The following RNF17 variants were observed in gnomAD, a reference collection of about 807,000 sequenced individuals.
RNF17 encodes the protein ring finger protein 17.
In RNF17, 31 loss-of-function variants were observed where a neutral mutation model predicts 200.5. That is an observed-to-expected ratio of 0.15 (90% CI 0.12 to 0.21). The LOEUF (loss-of-function observed/expected upper bound fraction) is 0.21, where lower values mean the gene tolerates loss of function less well. Ranked by LOEUF, RNF17 falls within the 10% of genes least tolerant of loss-of-function variation. The pLI is 1.00. For missense variants in RNF17, 1,628 were observed against 1,905.1 expected (o/e 0.85, Z 2.71); for synonymous variants, 606 against 637.8 (o/e 0.95, Z 0.75).
rs149381084 is a variant in RNF17 at position 24,837,433 on chromosome 13, G to A, written c.2483-4608G>A. On this transcript the variant is annotated intron_variant, in intron 18 of 35. Coordinates refer to ENST00000255324, the MANE Select transcript of RNF17 (RefSeq NM_031277.3). Reference sequence around the variant, plus strand: ...TAGAATACCCATTCTATTCAACAGCGTATGGAAATTTCTAAGACCATATGA... The same window carrying A: ...TAGAATACCCATTCTATTCAACAGCATATGGAAATTTCTAAGACCATATGA... 8.9e-4 allele frequency among the ~76,000 whole-genome samples: 136 copies of A among 152,024 alleles called. 1 individual carries two copies. In the East Asian group the frequency reaches 0.021, roughly 23 times the overall value.
In RNF17 at chr13:24,852,340, G is replaced by A. The variant is rs564491696; in HGVS notation, c.3320+769G>A. On this transcript the variant is annotated intron_variant, in intron 24 of 35. Coordinates refer to ENST00000255324, the MANE Select transcript of RNF17 (RefSeq NM_031277.3). ...TTTTTAGTAGAGACGGGGTTTCACC[G>A]TGTTAGCCAGGATGGCCTCGATCTC... is the stretch of plus-strand genomic sequence containing the variant. Among the ~76,000 whole-genome samples the A allele has an allele frequency of 4.6e-4, 70 of 152,054 alleles. No homozygotes were observed. The South Asian group carries it at 5.6e-3, about 12-fold the overall frequency.
intron 15 of RNF17, among the ~76,000 whole-genome samples, chr13:24,812,118 A>T (rs1285267216): frequency 6.8e-6 from 1 of 146,756 alleles, no homozygotes; most frequent in Non-Finnish European, 1.5e-5. Flanking sequence ...CTGCCCCCAG[A>T]GGTGGAGCCT....
At chr13:24,854,381 A>C (rs1892248318) in intron 25 of RNF17, among the ~76,000 whole-genome samples, 1 of 152,206 alleles carries the variant, frequency 6.6e-6, no homozygotes, top group African/African-American at 2.4e-5. Context: ...TGCTATTCTC[A>C]GTATAAGAAG....
intron 15 of RNF17, among the ~76,000 whole-genome samples, chr13:24,817,623 G>T (rs1887558609): frequency 6.6e-6 from 1 of 151,920 alleles, no homozygotes. Context: ...GGAGGCTGAG[G>T]CAGGAGAATT....
At chr13:24,748,058 G>T in the RNF17 span, among the ~76,000 whole-genome samples, 57 of 152,332 alleles carry the variant, frequency 3.7e-4, no homozygotes, top group East Asian at 7.7e-3. Flanking sequence ...TCTGTCTCTC[G>T]CATCCGCACT....
chr13:24,859,323 G>T (rs560996611), intron 26 of RNF17, among the ~76,000 whole-genome samples, 159 bp downstream of exon 26: 1 of 151,998 alleles, frequency 6.6e-6, no homozygotes, highest in African/African-American at 2.4e-5. Context: ...ATAATTTTTC[G>T]TTTTATTTGC....
chr13:24,793,568 T>C (rs1884158242), intron 10 of RNF17, among the ~76,000 whole-genome samples: 1 of 152,234 alleles, frequency 6.6e-6, no homozygotes, highest in Admixed American at 6.5e-5. Flanking sequence ...CTCTGAGGTA[T>C]AAATTAATAT....
rs370589355 is a variant in RNF17 at position 24,862,691 on chromosome 13, T to A, written c.3895-22T>A. 4.0e-6 allele frequency: 6 copies of A among 1,484,390 alleles called. No individual in the cohort carries two copies. The African/African-American group carries it at 8.3e-5, about 21-fold the overall frequency. The allele number at this position is 1,484,390 out of a possible 1,614,324, so 92.0% of individuals were successfully genotyped here. ...GATTTTATGAAAGCATAAAAGAATC[T>A]GAGTTTATTAATCTCAAATAGGTTG... is the stretch of plus-strand genomic sequence containing the variant. On this transcript the variant is annotated intron_variant, in intron 27 of 35. Transcript: ENST00000255324.
rs886615416 is a variant in RNF17, at chr13:24,866,086, A to G, written c.4102-58A>G. On this transcript the variant is annotated intron_variant, in intron 29 of 35. Coordinates refer to ENST00000255324, the MANE Select transcript of RNF17 (RefSeq NM_031277.3). ...CAGTTTTTGTGGGGATGAAATATGG[A>G]AAGTACCTTAAAACAATATAGCTAA... is the stretch of plus-strand genomic sequence containing the variant. The G allele has an allele frequency of 1.1e-5, 10 of 929,118 alleles. No homozygotes were observed. The South Asian group carries it at 1.5e-4, about 14-fold the overall frequency. The allele number at this position is 929,118 out of a possible 1,614,324, so 57.6% of individuals were successfully genotyped here. A position where few individuals can be genotyped will look rare whatever the true frequency, so the allele number is the denominator to read the frequency against.
At chr13:24,883,321 A>G (rs1210364138), downstream of RNF17, 7 of 1,613,786 alleles carry the variant, frequency 4.3e-6, no homozygotes, top group Non-Finnish European at 5.1e-6. Flanking sequence ...ACTGGGCAGT[A>G]TGTAGTTCTC....
chr13:24,785,426 G>T (rs533351690), intron 6 of RNF17, among the ~76,000 whole-genome samples: 3 of 152,268 alleles, frequency 2.0e-5, no homozygotes, highest in African/African-American at 7.2e-5. Flanking sequence ...AGTCAGAAAA[G>T]ATACCTTGTA....
At chr13:24,750,847 G>A in the RNF17 span, 1 of 151,852 alleles carries the variant, frequency 6.6e-6, no homozygotes, top group African/African-American at 2.4e-5. Context: ...TTTCTTATGA[G>A]CACCATCTAG....
In RNF17 at chr13:24,830,556, A is replaced by G. The variant is rs1277221180; in HGVS notation, c.2318A>G (p.Asp773Gly). 1 of 1,611,922 alleles carries G rather than the reference A, an allele frequency of 6.2e-7. No homozygotes were observed. The highest frequency in any genetic ancestry group is 8.5e-7 in the Non-Finnish European group (1 of 1,179,130). The change falls in exon 17 of 36, where the codon GAC becomes GGC. Residue 773 changes from aspartate (D) to glycine (G), a missense_variant. Transcript: ENST00000255324. ...FGNTAKITIK[D>G]VRKIKDEFLN... is the part of the protein sequence containing the mutation. ...AATACTGCAAAAATAACAATCAAAGACGTGCGTAAAATAAAGGATGAGTTT... is the reference window on the plus strand; with the variant it reads ...AATACTGCAAAAATAACAATCAAAGGCGTGCGTAAAATAAAGGATGAGTTT...
downstream of RNF17, among the ~76,000 whole-genome samples, chr13:24,881,896 CTATA>C (rs1219506943): frequency 1.4e-3 from 169 of 124,394 alleles, 2 homozygotes; most frequent in African/African-American, 4.4e-3. Context: ...ATAGATACAT[CTATA>C]TAGATATATA....
intron 20 of RNF17, among the ~76,000 whole-genome samples, 183 bp from the exon 21 acceptor site, chr13:24,844,469 A>G (rs1483471858): frequency 6.6e-6 from 1 of 152,200 alleles, no homozygotes. Context: ...AGGGAAGTTT[A>G]TCTCAGGCAG....
intron 32 of RNF17, among the ~76,000 whole-genome samples, chr13:24,872,004 T>A (rs1334797195): frequency 6.9e-6 from 1 of 144,232 alleles, no homozygotes; most frequent in Non-Finnish European, 1.5e-5. Context: ...GTTTCACTCT[T>A]GTTGCCCAGG....
intron 10 of RNF17, chr13:24,794,259 G>T (rs199523282): frequency 2.2e-6 from 1 of 455,746 alleles, no homozygotes; most frequent in African/African-American, 2.0e-5. Flanking sequence ...TGTAACAACT[G>T]TCTGAGCTTG....
At chr13:24,792,977 G>GACTT in intron 9 of RNF17, 65 bp from the exon 10 acceptor site, 1 of 1,113,168 alleles carries the variant, frequency 9.0e-7, no homozygotes, top group South Asian at 1.6e-5. Flanking sequence ...AGTTTCTAGT[G>GACTT]ACTTATTCAT....
chr13:24,859,177 T>C lies in RNF17; in HGVS notation c.3774+13T>C. On this transcript the variant is annotated intron_variant, in intron 26 of 35. Coordinates refer to ENST00000255324, the MANE Select transcript of RNF17 (RefSeq NM_031277.3). ...TGGCGCTGTCAGAGTGAGTCTGATA[T>C]TCTTTTGTGACAATTCTAAAGCTAA... The C allele has an allele frequency of 6.4e-7, 1 of 1,559,416 alleles. No homozygotes were observed. The highest frequency in any genetic ancestry group is 8.7e-7 in the Non-Finnish European group (1 of 1,148,466).
Sources: gnomAD v4.1 joint callset for allele counts (sites outside exome capture counted in the v4.1 genomes callset) on GRCh38, gnomAD v4.1.1 for gene constraint, MANE v1.5 for transcripts, NCBI Gene and HGNC (gene_info 2026-07-23, HGNC 2026-07-21) for gene names.